VPS13B: variants seen among roughly 807,000 people sequenced by gnomAD.
VPS13B encodes the protein vacuolar protein sorting 13 homolog B, also known as intermembrane lipid transfer protein VPS13B.
VPS13B carries 285 observed loss-of-function variants against 426.4 expected under a neutral mutation model. That is an observed-to-expected ratio of 0.67 (90% CI 0.61 to 0.74). The LOEUF is 0.74. Ranked by LOEUF, VPS13B falls within the 30% of genes least tolerant of loss-of-function variation. VPS13B has a pLI of 0.00. For missense variants in VPS13B, 4,537 were observed against 4,782.6 expected (o/e 0.95, Z 1.51); for synonymous variants, 1,676 against 1,676.4 (o/e 1.00, Z 0.01).
chr8:99,478,447 G>GTTTTTTTTTTTTTTTTTTTTTTTTT (rs56261645), intron 24 of VPS13B, among the ~76,000 whole-genome samples: 14 of 85,754 alleles, frequency 1.6e-4, no homozygotes, highest in Admixed American at 4.3e-4. Context: ...TTTTTGTTTT[G>GTTTTTTTTTTTTTTTTTTTTTTTTT]TTTTTTTTTT....
chr8:99,235,566 CT>C (rs1403445952), intron 17 of VPS13B, among the ~76,000 whole-genome samples: 1 of 152,006 alleles, frequency 6.6e-6, no homozygotes, highest in African/African-American at 2.4e-5. Flanking sequence ...TGTTTTCAGC[CT>C]ACATTTTTTT....
At position 99,853,878 on chromosome 8, in the gene VPS13B, T is replaced by C; in HGVS notation, c.10489T>C (p.Phe3497Leu). ...GKSILCDINE[F>L]SFELKPARLY... ...GAGCATCCTCTGTGATATTAATGAGTTCAGCTTTGAATTAAAACCTGCTCG... is the reference window on the plus strand; with the variant it reads ...GAGCATCCTCTGTGATATTAATGAGCTCAGCTTTGAATTAAAACCTGCTCG... Residue 3497 changes from phenylalanine (F) to leucine (L), a missense_variant, in exon 56 of 62, where the codon TTC (phenylalanine) becomes CTC (leucine). Phe to Leu is a conservative substitution (Grantham distance 22). Transcript: ENST00000357162. The C allele has an allele frequency of 2.5e-6, 4 of 1,614,184 alleles. No individual in the cohort carries two copies. Among genetic ancestry groups the C allele is most frequent in the Non-Finnish European group, 3.4e-6 (4 of 1,180,038 alleles).
intron 12 of VPS13B, among the ~76,000 whole-genome samples, chr8:99,141,796 G>A (rs994204732): frequency 6.6e-6 from 1 of 151,056 alleles, no homozygotes; most frequent in Non-Finnish European, 1.5e-5. Context: ...TGTAATCTCA[G>A]CACTTTGGGA....
At chr8:99,508,296 C>T (rs1021044201) in intron 28 of VPS13B, among the ~76,000 whole-genome samples, 1 of 151,986 alleles carries the variant, frequency 6.6e-6, no homozygotes, top group African/African-American at 2.4e-5. Flanking sequence ...ACAACTAATT[C>T]AAAGTAACTT....
In VPS13B at chr8:99,241,201, C is replaced by G. The variant is rs530004110; in HGVS notation, c.2516-32997C>G. On this transcript the variant is annotated intron_variant, in intron 17 of 61. Coordinates refer to ENST00000357162, the MANE Select transcript of VPS13B (RefSeq NM_152564.5). ...TTATGAAGTGGTATGTAAGAATATT[C>G]TCATGACTTAGGTCTTTTAAAATAA... 26 of 152,206 alleles carry G rather than the reference C, an allele frequency of 1.7e-4. 1 individual carries two copies. In the East Asian group the frequency reaches 4.2e-3, roughly 25 times the overall value. The allele number at this position is 152,206 out of a possible 1,614,324, so 9.4% of individuals were successfully genotyped here.
chr8:99,458,383 T>A (rs1373419635), intron 23 of VPS13B, among the ~76,000 whole-genome samples: 1 of 151,950 alleles, frequency 6.6e-6, no homozygotes, highest in East Asian at 1.9e-4. Flanking sequence ...AACATACGTG[T>A]GGCCTGTGTC....
chr8:99,870,705 C>T, intron 59 of VPS13B, 80 bp from the exon 60 acceptor site: 1 of 1,323,478 alleles, frequency 7.6e-7, no homozygotes, highest in Non-Finnish European at 1.1e-6. Context: ...ATGGATGGCT[C>T]TGAACAGATG....
At chr8:99,703,565 G>A (rs1254344390) in intron 36 of VPS13B, among the ~76,000 whole-genome samples, 2 of 152,040 alleles carry the variant, frequency 1.3e-5, no homozygotes, top group Non-Finnish European at 2.9e-5. Flanking sequence ...TTTTAAGGCA[G>A]ATAATATTTA....
chr8:99,779,478 A>G (rs1276382644), intron 42 of VPS13B, among the ~76,000 whole-genome samples: 6 of 152,228 alleles, frequency 3.9e-5, no homozygotes, highest in Admixed American at 3.3e-4. Flanking sequence ...GCGAGATGAA[A>G]TATGTGAGTA....
intron 36 of VPS13B, among the ~76,000 whole-genome samples, chr8:99,714,669 G>T (rs529131897): frequency 1.3e-5 from 2 of 152,136 alleles, no homozygotes; most frequent in Non-Finnish European, 1.5e-5. Context: ...CACTAAGGGG[G>T]TCACTTTGGT....
intron 39 of VPS13B, among the ~76,000 whole-genome samples, chr8:99,728,588 GT>G (rs1258198025): frequency 6.6e-6 from 1 of 152,166 alleles, no homozygotes; most frequent in Non-Finnish European, 1.5e-5. Context: ...AGGTTTTTGT[GT>G]TTATAGTCTG....
At chr8:99,232,729 C>T (rs1816406932) in intron 17 of VPS13B, among the ~76,000 whole-genome samples, 2 of 152,170 alleles carry the variant, frequency 1.3e-5, no homozygotes, top group South Asian at 2.1e-4. Flanking sequence ...ACCTATGTTA[C>T]TTCAACCAAA....
At chr8:99,148,505 T>G (rs1221166085) in intron 14 of VPS13B, among the ~76,000 whole-genome samples, 2 of 152,062 alleles carry the variant, frequency 1.3e-5, no homozygotes, top group South Asian at 2.1e-4. Context: ...TAAAATAAAC[T>G]TAATCTTGAG....
At chr8:99,708,251 G>C (rs529999383) in intron 36 of VPS13B, among the ~76,000 whole-genome samples, 1 of 152,074 alleles carries the variant, frequency 6.6e-6, no homozygotes, top group African/African-American at 2.4e-5. Flanking sequence ...TAAAAACCGT[G>C]AGCATGGTGG....
intron 22 of VPS13B, among the ~76,000 whole-genome samples, chr8:99,434,927 C>T (rs906369851): frequency 6.6e-6 from 1 of 152,012 alleles, no homozygotes; most frequent in Admixed American, 6.6e-5. Flanking sequence ...TAACATCCAG[C>T]ACTTAATTTT....
At chr8:99,624,158 A>G (rs2035618) in intron 33 of VPS13B, among the ~76,000 whole-genome samples, 20,491 of 151,514 alleles carry the variant, frequency 0.14, 1,924 homozygotes, top group East Asian at 0.39. Context: ...GTCAGTTGGT[A>G]GCCAGTATAG....
At chr8:99,017,972 C>T (rs1324452838) in intron 2 of VPS13B, among the ~76,000 whole-genome samples, 2 of 152,268 alleles carry the variant, frequency 1.3e-5, no homozygotes, top group African/African-American at 4.8e-5. Flanking sequence ...CATTGCTTTT[C>T]ATATTTTTAG....
chr8:99,372,244 C>T (rs996348244), intron 19 of VPS13B, among the ~76,000 whole-genome samples: 3 of 139,218 alleles, frequency 2.2e-5, no homozygotes, highest in Admixed American at 7.4e-5. Context: ...AGCGAGACTC[C>T]GTCTCAAAAA....
intron 19 of VPS13B, among the ~76,000 whole-genome samples, chr8:99,276,974 A>G (rs1400197210): frequency 6.6e-6 from 1 of 152,074 alleles, no homozygotes. Flanking sequence ...TATTTAAATA[A>G]TCTGTTCTTC....
Sources: allele counts gnomAD v4.1 joint callset (sites outside exome capture counted in the v4.1 genomes callset), GRCh38; gene constraint gnomAD v4.1.1; transcripts MANE v1.5; gene names NCBI Gene and HGNC (gene_info 2026-07-23, HGNC 2026-07-21).